Variants in LRRIQ1 observed in about 807,000 individuals in gnomAD.
LRRIQ1 encodes the protein leucine rich repeats and IQ motif containing 1, also known as leucine-rich repeat- and IQ domain-containing protein 1.
In LRRIQ1, 210 loss-of-function variants were observed where a neutral mutation model predicts 211.9. That is an observed-to-expected ratio of 0.99 (90% CI 0.89 to 1.11). LRRIQ1 has a LOEUF of 1.11. Among genes scored for constraint, LRRIQ1 ranks in the 50% most tolerant of loss-of-function variants. The pLI is 0.00. For synonymous variants in LRRIQ1, 699 were observed against 650.1 expected (o/e 1.08, Z -1.14); for missense variants, 2,136 against 1,939.5 (o/e 1.10, Z -1.90).
chr12:85,127,818 T>C lies in LRRIQ1; in HGVS notation c.4008-14T>C. 7.5e-6 allele frequency: 12 copies of C among 1,601,738 alleles called. No homozygotes were observed. Among genetic ancestry groups the C allele is most frequent in the African/African-American group, 1.3e-5 (1 of 74,294 alleles). On this transcript the variant is annotated splice_polypyrimidine_tract_variant and intron_variant, in intron 17 of 26. Coordinates refer to ENST00000393217, the MANE Select transcript of LRRIQ1 (RefSeq NM_001079910.2). ...AATAAAAAAAGTGTGTGTTTTTTTTTCTCCTCTTAATAGTATGGCAGCTGT... is the reference window on the plus strand; with the variant it reads ...AATAAAAAAAGTGTGTGTTTTTTTTCCTCCTCTTAATAGTATGGCAGCTGT...
chr12:85,162,569 A>C (rs1890941437), intron 24 of LRRIQ1, among the ~76,000 whole-genome samples: 1 of 152,156 alleles, frequency 6.6e-6, no homozygotes, highest in African/African-American at 2.4e-5. Flanking sequence ...TGTTCTATTA[A>C]ATGTGAAGCT....
chr12:85,091,084 TC>T (rs1298786448), intron 11 of LRRIQ1, among the ~76,000 whole-genome samples: 2 of 152,108 alleles, frequency 1.3e-5, no homozygotes, highest in Admixed American at 1.3e-4. Context: ...CTCACTTGCT[TC>T]TTTTTTTTAC....
chr12:85,140,983 G>A (rs776010278), intron 19 of LRRIQ1, among the ~76,000 whole-genome samples: 1 of 150,702 alleles, frequency 6.6e-6, no homozygotes, highest in Admixed American at 6.6e-5. Context: ...ATTTTATTTA[G>A]CATTTTCTCA....
rs776826048 is a variant in LRRIQ1, at chr12:85,154,084, GA to G, written c.4717del (p.Ile1573Ter). 15 of 1,556,140 alleles carry G rather than the reference GA, an allele frequency of 9.6e-6. No individual in the cohort carries two copies. The highest frequency in any genetic ancestry group is 5.4e-5 in the Admixed American group (3 of 55,418). On this transcript the variant is annotated frameshift_variant, in exon 23 of 27. Coordinates refer to ENST00000393217, the MANE Select transcript of LRRIQ1 (RefSeq NM_001079910.2). LOFTEE classifies it high-confidence loss of function. The stretch of plus-strand genomic sequence containing the variant: ...AGAAAATGAAATCGAAGAAACTAAA[GA>G]AAAAAATAGGTGAGTAATTAGTGCT... Reference protein sequence around the residue: ...AQKMKSKKLKKKIDSTVRLAL... With the variant: ...AQKMKSKKLKXKIDSTVRLAL...
chr12:85,093,035 G>A (rs1325401422), intron 11 of LRRIQ1, among the ~76,000 whole-genome samples: 1 of 152,112 alleles, frequency 6.6e-6, no homozygotes, highest in Non-Finnish European at 1.5e-5. Flanking sequence ...GAGTCACCAT[G>A]GTACACAATC....
intron 15 of LRRIQ1, among the ~76,000 whole-genome samples, chr12:85,115,640 C>G (rs1385077424): frequency 6.6e-6 from 1 of 152,124 alleles, no homozygotes; most frequent in Non-Finnish European, 1.5e-5. Flanking sequence ...ATATTTATAT[C>G]AGCATCTATG....
At chr12:85,193,355 C>T (rs1273065383) in intron 24 of LRRIQ1, among the ~76,000 whole-genome samples, 1 of 121,752 alleles carries the variant, frequency 8.2e-6, no homozygotes, top group Non-Finnish European at 1.7e-5. Context: ...AGAGCAACTC[C>T]AAGACACATA....
At chr12:85,246,636 A>G (rs963297708), downstream of LRRIQ1, among the ~76,000 whole-genome samples, 1 of 151,454 alleles carries the variant, frequency 6.6e-6, no homozygotes, top group Admixed American at 6.6e-5. Context: ...TATAGAGTTC[A>G]TTTTAACACA....
chr12:85,124,584 G>A, intron 17 of LRRIQ1, 65 bp downstream of exon 17: 1 of 1,204,772 alleles, frequency 8.3e-7, no homozygotes, highest in Non-Finnish European at 1.2e-6. Context: ...GATGATATTA[G>A]TCAATGGTAC....
intron 24 of LRRIQ1, among the ~76,000 whole-genome samples, chr12:85,170,794 A>G (rs1891378851): frequency 6.6e-6 from 1 of 152,048 alleles, no homozygotes; most frequent in African/African-American, 2.4e-5. Context: ...TGGAGACCTA[A>G]CAAGTAAGAA....
intron 18 of LRRIQ1, among the ~76,000 whole-genome samples, chr12:85,132,258 G>GT (rs893485382): frequency 1.1e-4 from 16 of 151,370 alleles, no homozygotes; most frequent in African/African-American, 1.9e-4. Flanking sequence ...AGGAAGGTAG[G>GT]TAAAAAAAAA....
intron 18 of LRRIQ1, among the ~76,000 whole-genome samples, chr12:85,130,591 G>A (rs547893126): frequency 6.6e-6 from 1 of 152,116 alleles, no homozygotes; most frequent in African/African-American, 2.4e-5. Flanking sequence ...GTAACTTAAT[G>A]TAAGTCTCTT....
intron 1 of LRRIQ1, among the ~76,000 whole-genome samples, chr12:85,037,749 T>G (rs2135848119): frequency 1.3e-5 from 2 of 152,148 alleles, no homozygotes; most frequent in South Asian, 4.2e-4. Flanking sequence ...CTAGTACGTT[T>G]TCAAACCTTT....
intron 19 of LRRIQ1, among the ~76,000 whole-genome samples, chr12:85,147,347 G>A (rs994188123): frequency 5.3e-5 from 8 of 151,648 alleles, no homozygotes; most frequent in East Asian, 1.9e-4. Context: ...ATAAAAAGTA[G>A]GTCTACCTTA....
intron 13 of LRRIQ1, among the ~76,000 whole-genome samples, chr12:85,100,660 C>G (rs919615314): frequency 6.6e-6 from 1 of 151,636 alleles, no homozygotes; most frequent in Non-Finnish European, 1.5e-5. Flanking sequence ...GTCACTGATA[C>G]TGGAATGTAT....
chr12:85,205,428 C>T (rs1362045590), intron 24 of LRRIQ1, among the ~76,000 whole-genome samples: 1 of 152,118 alleles, frequency 6.6e-6, no homozygotes, highest in African/African-American at 2.4e-5. Flanking sequence ...ATATAGGCCC[C>T]CATTGTCTTC....
chr12:85,083,442 CTTT>C (rs11311762), intron 11 of LRRIQ1, among the ~76,000 whole-genome samples: 8 of 144,354 alleles, frequency 5.5e-5, no homozygotes, highest in African/African-American at 7.7e-5. Flanking sequence ...TTCTAAGTAA[CTTT>C]TTTTTTTTTT....
intron 1 of LRRIQ1, among the ~76,000 whole-genome samples, chr12:85,037,730 G>T (rs1886557052): frequency 6.6e-6 from 1 of 151,990 alleles, no homozygotes; most frequent in African/African-American, 2.4e-5. Flanking sequence ...AAAATAAAAT[G>T]ATAGCTGACT....
At chr12:85,198,438 C>G (rs1426931674) in intron 24 of LRRIQ1, among the ~76,000 whole-genome samples, 1 of 151,770 alleles carries the variant, frequency 6.6e-6, no homozygotes, top group Non-Finnish European at 1.5e-5. Context: ...AGTGTATATG[C>G]ATTTCCTTTT....
Sources: gnomAD v4.1 joint callset for allele counts (sites outside exome capture counted in the v4.1 genomes callset) on GRCh38, gnomAD v4.1.1 for gene constraint, MANE v1.5 for transcripts, NCBI Gene and HGNC (gene_info 2026-07-23, HGNC 2026-07-21) for gene names.